TMIE: variants seen among roughly 807,000 people sequenced by gnomAD.
The protein encoded by TMIE is transmembrane inner ear expressed protein.
In TMIE, 14 loss-of-function variants were observed where a neutral mutation model predicts 16.8. The ratio of observed to expected loss-of-function variants is 0.83; its 90% CI spans 0.55 to 1.30. TMIE has a LOEUF of 1.30. TMIE is among the 50% of genes most tolerant of loss of function. TMIE has a pLI of 0.00. For synonymous variants in TMIE, 75 were observed against 87.2 expected (o/e 0.86, Z 0.78); for missense variants, 204 against 205.9 (o/e 0.99, Z 0.06).
At chr3:46,703,173 T>A (rs1299723990) in intron 1 of TMIE, among the ~76,000 whole-genome samples, 2 of 152,112 alleles carry the variant, frequency 1.3e-5, no homozygotes, top group Non-Finnish European at 2.9e-5. Context: ...TGGGTCACCA[T>A]CACCCTCCAT....
At chr3:46,700,682 G>A (rs1306391787), upstream of TMIE, among the ~76,000 whole-genome samples, 6 of 152,146 alleles carry the variant, frequency 3.9e-5, no homozygotes, top group Non-Finnish European at 7.3e-5. Context: ...GCTCAACATG[G>A]GGTCAGGGCC....
intron 1 of TMIE, among the ~76,000 whole-genome samples, chr3:46,705,083 A>T (rs1700534267): frequency 6.7e-6 from 1 of 150,174 alleles, no homozygotes; most frequent in Non-Finnish European, 1.5e-5. Flanking sequence ...GCAGTGTCCT[A>T]TCCCCTCAGT....
upstream of TMIE, among the ~76,000 whole-genome samples, chr3:46,694,189 C>T (rs907418083): frequency 6.6e-6 from 1 of 152,218 alleles, no homozygotes; most frequent in African/African-American, 2.4e-5. Context: ...CTGCGGCCCC[C>T]TGGGCTGGGT....
At chr3:46,698,605 A>C (rs1700430560), upstream of TMIE, among the ~76,000 whole-genome samples, 1 of 152,128 alleles carries the variant, frequency 6.6e-6, no homozygotes, top group South Asian at 2.1e-4. Flanking sequence ...TTTACAGATG[A>C]GGGACTGAAG....
At chr3:46,708,513 A>G (rs1407736426) in intron 2 of TMIE, among the ~76,000 whole-genome samples, 3 of 152,230 alleles carry the variant, frequency 2.0e-5, no homozygotes, top group Non-Finnish European at 2.9e-5. Flanking sequence ...ACCTGGCCCA[A>G]CTGGCGTGGG....
Position 46,709,861 on chromosome 3 carries a change from CGTAGGT to C in TMIE, c.*176_*181del. ...ATCAGGGGCAGGAACCAGACAATCT[CGTAGGT>C]GTCCTGCCCCCCAGCCTAGGCTTGG... On this transcript the variant is annotated 3_prime_UTR_variant, in exon 4 of 4. Coordinates refer to ENST00000643606, the MANE Select transcript of TMIE (RefSeq NM_147196.3). The C allele has an allele frequency of 7.5e-7, 1 of 1,340,658 alleles. No individual in the cohort carries two copies. Among genetic ancestry groups the C allele is most frequent in the Non-Finnish European group, 1.0e-6 (1 of 977,814 alleles). 83.0% of individuals were successfully genotyped at this position (1,340,658 alleles called of 1,614,324 possible). A position where few individuals can be genotyped will look rare whatever the true frequency, so the allele number is the denominator to read the frequency against.
intron 2 of TMIE, among the ~76,000 whole-genome samples, chr3:46,706,738 G>A (rs1008151212): frequency 6.6e-6 from 1 of 152,214 alleles, no homozygotes; most frequent in Non-Finnish European, 1.5e-5. Flanking sequence ...CAGGAGGGAA[G>A]GCTGGAAAGG....
At chr3:46,699,288 T>A (rs1444248708), upstream of TMIE, among the ~76,000 whole-genome samples, 1 of 152,110 alleles carries the variant, frequency 6.6e-6, no homozygotes, top group African/African-American at 2.4e-5. Flanking sequence ...GTCAGGCTGG[T>A]CTCGACTCCT....
In TMIE at chr3:46,701,429, A is replaced by G; in HGVS notation, c.-59A>G. ...CCACCGAGCGCCGGCTGGCAGGGGC[A>G]GTGACCGGCGGCCGGCCCGTTCGTC... is the stretch of plus-strand genomic sequence containing the variant. On this transcript the variant is annotated 5_prime_UTR_variant, in exon 1 of 4. Transcript: ENST00000643606. This position sits in a 1 kb window ranked among gnomAD's most constrained non-coding sequence, Gnocchi z 4.3. 7.4e-7 allele frequency: 1 copy of G among 1,358,190 alleles called. No homozygotes were observed. The highest frequency in any genetic ancestry group is 1.4e-5 in the South Asian group (1 of 70,878). The allele number at this position is 1,358,190 out of a possible 1,614,324, so 84.1% of individuals were successfully genotyped here. A position where few individuals can be genotyped will look rare whatever the true frequency, so the allele number is the denominator to read the frequency against.
At chr3:46,707,046 C>A (rs1281423307) in intron 2 of TMIE, among the ~76,000 whole-genome samples, 1 of 152,234 alleles carries the variant, frequency 6.6e-6, no homozygotes, top group Non-Finnish European at 1.5e-5. Context: ...AAATCCCCGC[C>A]CCCCATCTGA....
rs747837318 is a variant in TMIE at position 46,709,734 on chromosome 3, G to A, written c.*46G>A. The A allele has an allele frequency of 4.8e-5, 78 of 1,611,490 alleles. No individual in the cohort carries two copies. Among genetic ancestry groups the A allele is most frequent in the East Asian group, 1.6e-4 (7 of 44,818 alleles). Reference sequence around the variant, plus strand: ...GCTGGCGGGCCCTGGAGCTCAAGCCGTGGCCGGGGTCCAGGCATGTTGGAC... The same window carrying A: ...GCTGGCGGGCCCTGGAGCTCAAGCCATGGCCGGGGTCCAGGCATGTTGGAC... On this transcript the variant is annotated 3_prime_UTR_variant, in exon 4 of 4. Transcript: ENST00000643606.
upstream of TMIE, among the ~76,000 whole-genome samples, chr3:46,698,398 T>C (rs1410563365): frequency 1.3e-5 from 2 of 151,868 alleles, no homozygotes; most frequent in Non-Finnish European, 2.9e-5. Flanking sequence ...AGAATGATAA[T>C]AATTATAATG....
intron 1 of TMIE, among the ~76,000 whole-genome samples, chr3:46,704,441 GCAGGA>G (rs1700519731): frequency 6.8e-6 from 1 of 146,764 alleles, no homozygotes; most frequent in Non-Finnish European, 1.5e-5. Context: ...GACACCCAGG[GCAGGA>G]CCATGTCCCC....
intron 1 of TMIE, among the ~76,000 whole-genome samples, chr3:46,695,681 C>T (rs891864618): frequency 5.3e-5 from 8 of 152,188 alleles, no homozygotes; most frequent in Non-Finnish European, 1.0e-4. Flanking sequence ...CTAGGTGTCT[C>T]TGGGCCTCAC....
chr3:46,697,705 G>A (rs557123772), upstream of TMIE, among the ~76,000 whole-genome samples: 2 of 152,276 alleles, frequency 1.3e-5, no homozygotes, highest in Admixed American at 1.3e-4. Context: ...GGTGTCTTGG[G>A]GCTGGGTGGG....
chr3:46,699,313 T>C (rs1420556493), upstream of TMIE, among the ~76,000 whole-genome samples: 1 of 152,080 alleles, frequency 6.6e-6, no homozygotes, highest in African/African-American at 2.4e-5. Flanking sequence ...TCGGGTGATC[T>C]GCCCACCTCG....
chr3:46,695,491 T>G (rs1406317981), intron 1 of TMIE, among the ~76,000 whole-genome samples: 1 of 152,092 alleles, frequency 6.6e-6, no homozygotes, highest in Non-Finnish European at 1.5e-5. Context: ...ATGAGCACGG[T>G]TTAGAGGATC....
intron 2 of TMIE, 39 bp from the exon 3 acceptor site, chr3:46,709,087 A>ACC: frequency 6.2e-7 from 1 of 1,612,976 alleles, no homozygotes; most frequent in South Asian, 1.1e-5. Context: ...GGGTCTCTGA[A>ACC]CCCCAGCCCC....
intron 2 of TMIE, among the ~76,000 whole-genome samples, chr3:46,706,313 ATGTGG>A (rs1375480017): frequency 6.6e-6 from 1 of 152,152 alleles, no homozygotes; most frequent in Non-Finnish European, 1.5e-5. Flanking sequence ...CACCCAGCAG[ATGTGG>A]CTCCCAGGCT....
Sources: allele counts gnomAD v4.1 joint callset (sites outside exome capture counted in the v4.1 genomes callset), GRCh38; gene constraint gnomAD v4.1.1; non-coding constraint Gnocchi (gnomAD v3.1); transcripts MANE v1.5; gene names NCBI Gene and HGNC (gene_info 2026-07-23, HGNC 2026-07-21).